Variants in CCDC3 observed in about 807,000 individuals in gnomAD.
CCDC3 encodes coiled-coil domain containing 3, also known as coiled-coil domain-containing protein 3.
A neutral mutation model predicts 21.4 loss-of-function variants in CCDC3; 24 were observed. That is an observed-to-expected ratio of 1.12 (90% CI 0.81 to 1.58). The LOEUF (loss-of-function observed/expected upper bound fraction) is 1.58, where lower values mean the gene tolerates loss of function less well. Ranked by LOEUF, CCDC3 falls within the 40% of genes most tolerant of loss-of-function variation. The probability of loss-of-function intolerance (pLI) is 0.00; values close to 1 mark genes in which losing one functional copy is unlikely to be tolerated. For missense variants in CCDC3, 425 were observed against 360.9 expected (o/e 1.18, Z -1.44); for synonymous variants, 186 against 166.0 (o/e 1.12, Z -0.93).
intron 5 of CCDC3, among the ~76,000 whole-genome samples, chr10:13,007,094 G>A (rs914292411): frequency 1.3e-5 from 2 of 152,154 alleles, no homozygotes; most frequent in African/African-American, 4.8e-5. Context: ...CTGTACTAGA[G>A]TCATAACTTT....
chr10:12,953,902 C>T (rs915869643), intron 2 of CCDC3, among the ~76,000 whole-genome samples: 1 of 152,194 alleles, frequency 6.6e-6, no homozygotes, highest in Non-Finnish European at 1.5e-5. Context: ...TGTGGGCCAT[C>T]CCATTTCTGT....
At chr10:13,044,267 G>C (rs1836496869) in intron 5 of CCDC3, among the ~76,000 whole-genome samples, 1 of 152,188 alleles carries the variant, frequency 6.6e-6, no homozygotes, top group African/African-American at 2.4e-5. Flanking sequence ...GCCTTTGTCA[G>C]ATGCATAGTT....
chr10:12,983,818 G>A (rs1835544048), intron 2 of CCDC3, among the ~76,000 whole-genome samples: 1 of 152,140 alleles, frequency 6.6e-6, no homozygotes, highest in Non-Finnish European at 1.5e-5. Context: ...AATGACTCAT[G>A]CCTGTAATCT....
At chr10:12,919,451 G>T (rs1380484514) in intron 2 of CCDC3, among the ~76,000 whole-genome samples, 2 of 152,034 alleles carry the variant, frequency 1.3e-5, no homozygotes, top group African/African-American at 2.4e-5. Flanking sequence ...TTAGCTGGGT[G>T]TGGTGTTTTG....
At chr10:13,031,411 C>T (rs1836298934) in intron 5 of CCDC3, among the ~76,000 whole-genome samples, 1 of 152,134 alleles carries the variant, frequency 6.6e-6, no homozygotes, top group Non-Finnish European at 1.5e-5. Flanking sequence ...CTAAAATTGA[C>T]ACCCTAACAT....
At chr10:12,912,626 C>T (rs1460614791) in intron 2 of CCDC3, among the ~76,000 whole-genome samples, 2 of 152,014 alleles carry the variant, frequency 1.3e-5, no homozygotes, top group Non-Finnish European at 2.9e-5. Context: ...GATGTGTTCC[C>T]ATTTGCATCT....
intron 5 of CCDC3, among the ~76,000 whole-genome samples, chr10:13,048,527 A>C (rs1836562690): frequency 6.6e-6 from 1 of 152,046 alleles, no homozygotes; most frequent in Non-Finnish European, 1.5e-5. Flanking sequence ...TTACACTTGC[A>C]CTTTACGGAT....
chr10:13,017,253 A>G (rs1053652747), intron 5 of CCDC3, among the ~76,000 whole-genome samples: 5 of 152,012 alleles, frequency 3.3e-5, no homozygotes, highest in African/African-American at 1.2e-4. Flanking sequence ...ACGGTGGCTC[A>G]CGTCTGTAAT....
intron 4 of CCDC3, among the ~76,000 whole-genome samples, chr10:13,069,991 G>A (rs1266601017): frequency 2.6e-5 from 4 of 152,150 alleles, no homozygotes. Context: ...TTTGGAGATT[G>A]TGACATTATT....
chr10:13,054,156 A>G (rs1361134499), intron 4 of CCDC3, among the ~76,000 whole-genome samples: 1 of 104,380 alleles, frequency 9.6e-6, no homozygotes, highest in African/African-American at 5.3e-5. Flanking sequence ...CTCTGTATCA[A>G]AAAAAAAAAA....
intron 5 of CCDC3, among the ~76,000 whole-genome samples, chr10:13,018,750 G>C (rs2131403639): frequency 6.6e-6 from 1 of 151,756 alleles, no homozygotes; most frequent in South Asian, 2.1e-4. Flanking sequence ...GGCCAATATG[G>C]CGAAACCCCG....
chr10:13,033,198 C>T (rs552853043), intron 5 of CCDC3, among the ~76,000 whole-genome samples: 17 of 152,102 alleles, frequency 1.1e-4, no homozygotes, highest in African/African-American at 3.4e-4. Flanking sequence ...ACATCTACAA[C>T]CATCTGATCT....
chr10:12,899,238 G>A (rs989851752), intron 2 of CCDC3, among the ~76,000 whole-genome samples: 2 of 152,090 alleles, frequency 1.3e-5, no homozygotes, highest in Non-Finnish European at 2.9e-5. Flanking sequence ...TCTCTTAAAC[G>A]CATGAAAAGA....
chr10:13,037,137 A>G (rs1169995135), intron 5 of CCDC3, among the ~76,000 whole-genome samples: 1 of 152,162 alleles, frequency 6.6e-6, no homozygotes, highest in African/African-American at 2.4e-5. Flanking sequence ...ATGTTTTTAT[A>G]TAAAATATTT....
intron 4 of CCDC3, among the ~76,000 whole-genome samples, chr10:13,060,415 A>C (rs978440504): frequency 6.6e-6 from 1 of 152,130 alleles, no homozygotes; most frequent in Non-Finnish European, 1.5e-5. Context: ...AGTTGCGTAT[A>C]AAGGCCAAGG....
At chr10:12,924,932 A>G (rs925814436) in intron 2 of CCDC3, 2 of 152,256 alleles carry the variant, frequency 1.3e-5, no homozygotes, top group African/African-American at 4.8e-5. Context: ...GAGAATTTCT[A>G]TGGAGACTTG....
In CCDC3 at chr10:12,945,169, G is replaced by C. The variant is rs565527035; in HGVS notation, c.550-46490C>G. On this transcript the variant is annotated intron_variant, in intron 2 of 2. Transcript: ENST00000378825. ...TGATTCATAAATTTGTCAATCTACA[G>C]ACAGCTAGTGTAATAGGGTTCACAA... 9.8e-5 allele frequency among the ~76,000 whole-genome samples: 15 copies of C among 152,296 alleles called. No individual in the cohort carries two copies. In the South Asian group the frequency reaches 2.9e-3, roughly 29 times the overall value.
At chr10:12,931,036 C>T (rs35867151) in intron 2 of CCDC3, among the ~76,000 whole-genome samples, 15,063 of 151,836 alleles carry the variant, frequency 0.099, 796 homozygotes, top group African/African-American at 0.13. Context: ...CATGGCGAAA[C>T]CCCGTGTCTA....
At chr10:12,952,292 T>C (rs1050806618) in intron 2 of CCDC3, among the ~76,000 whole-genome samples, 3 of 152,170 alleles carry the variant, frequency 2.0e-5, no homozygotes, top group African/African-American at 7.2e-5. Flanking sequence ...TCAATAAATA[T>C]TAGCTCAGCA....
Sources: gnomAD v4.1 joint callset for allele counts (sites outside exome capture counted in the v4.1 genomes callset) on GRCh38, gnomAD v4.1.1 for gene constraint, MANE v1.5 for transcripts, NCBI Gene and HGNC (gene_info 2026-07-23, HGNC 2026-07-21) for gene names.